Variants in MLLT3 observed in about 807,000 individuals in gnomAD.
MLLT3 encodes the protein protein AF-9.
Under a neutral mutation model 53.2 loss-of-function variants are expected in MLLT3, and 4 were observed. The ratio of observed to expected loss-of-function variants is 0.08; its 90% CI spans 0.04 to 0.17. The LOEUF (loss-of-function observed/expected upper bound fraction) is 0.17. Among genes scored for constraint, MLLT3 ranks in the 10% least tolerant of loss-of-function variants. The pLI is 1.00. For missense variants in MLLT3, 569 were observed against 684.0 expected (o/e 0.83, Z 1.87); for synonymous variants, 283 against 230.6 (o/e 1.23, Z -2.06).
At chr9:20,527,975 T>C (rs1818243502) in intron 2 of MLLT3, among the ~76,000 whole-genome samples, 1 of 152,204 alleles carries the variant, frequency 6.6e-6, no homozygotes, top group South Asian at 2.1e-4. Context: ...GCACAATAAA[T>C]GTTATGAGAG....
chr9:20,508,423 C>T (rs991800345), intron 2 of MLLT3, among the ~76,000 whole-genome samples: 9 of 152,160 alleles, frequency 5.9e-5, no homozygotes, highest in Non-Finnish European at 1.2e-4. Flanking sequence ...GAGGACACTA[C>T]CGCAGTGCCA....
chr9:20,359,337 G>A lies in MLLT3; in HGVS notation c.1431+1405C>T, dbSNP rs1477524151. ...TACTTTCCTCTGAAATGCCTGACTT[G>A]TGGTGGCAGGCATCCACACCAGAGG... On this transcript the variant is annotated intron_variant, in intron 8 of 10. Coordinates refer to ENST00000380338, the MANE Select transcript of MLLT3 (RefSeq NM_004529.4). 2.0e-5 allele frequency among the ~76,000 whole-genome samples: 3 copies of A among 152,084 alleles called. No individual in the cohort carries two copies. In the East Asian group the frequency reaches 5.8e-4, roughly 29 times the overall value.
intron 5 of MLLT3, among the ~76,000 whole-genome samples, chr9:20,382,177 T>C (rs1031606947): frequency 5.3e-5 from 8 of 151,876 alleles, no homozygotes; most frequent in African/African-American, 1.9e-4. Context: ...TCATCTAAAA[T>C]TGTAAGATTT....
At chr9:20,548,799 C>T (rs1296991937) in intron 2 of MLLT3, among the ~76,000 whole-genome samples, 2 of 151,780 alleles carry the variant, frequency 1.3e-5, no homozygotes, top group African/African-American at 2.4e-5. Flanking sequence ...CTCAAACTTA[C>T]CAAAACACAT....
rs913309576 is a variant in MLLT3 at position 20,620,855 on chromosome 9, G to A, written c.13-21C>T. The A allele has an allele frequency of 1.2e-6, 2 of 1,613,702 alleles. No individual in the cohort carries two copies. The highest frequency in any genetic ancestry group is 1.7e-5 in the Admixed American group (1 of 60,026). On this transcript the variant is annotated intron_variant, in intron 1 of 10. Transcript: ENST00000380338. The surrounding 1 kb of genome is among the most constrained non-coding windows in gnomAD (Gnocchi z 6.1). ...GCACACTGCGGGCAGGGGGAGGAGA[G>A]ACAGCCGTGAATAACAGGAAGGCGA...
At chr9:20,382,124 AT>A (rs908370792) in intron 5 of MLLT3, among the ~76,000 whole-genome samples, 1 of 151,658 alleles carries the variant, frequency 6.6e-6, no homozygotes, top group African/African-American at 2.4e-5. Context: ...CTTTTTCTCT[AT>A]TTTTTTCTTA....
intron 2 of MLLT3, among the ~76,000 whole-genome samples, chr9:20,590,097 C>T (rs13289029): frequency 0.44 from 66,507 of 151,984 alleles, 14,802 homozygotes; most frequent in Middle Eastern, 0.49. Flanking sequence ...TCTAGGTCAG[C>T]TGTTAGAAGT....
intron 2 of MLLT3, among the ~76,000 whole-genome samples, chr9:20,536,160 T>C (rs767946303): frequency 2.7e-5 from 4 of 149,086 alleles, no homozygotes; most frequent in Non-Finnish European, 4.4e-5. Flanking sequence ...CTACCATTAC[T>C]ACCAGCATCT....
intron 2 of MLLT3, among the ~76,000 whole-genome samples, chr9:20,593,566 A>C (rs2131188980): frequency 6.6e-6 from 1 of 152,318 alleles, no homozygotes; most frequent in East Asian, 1.9e-4. Flanking sequence ...GGAGAGAGAA[A>C]AATTATGTTT....
chr9:20,459,324 A>C (rs1318463438), intron 2 of MLLT3, among the ~76,000 whole-genome samples: 3 of 152,234 alleles, frequency 2.0e-5, no homozygotes, highest in Non-Finnish European at 4.4e-5. Flanking sequence ...GAAAAGATCC[A>C]GAGTGGCTTC....
In MLLT3 at chr9:20,431,031, G is replaced by C. The variant is rs376078263; in HGVS notation, c.421-16606C>G. On this transcript the variant is annotated intron_variant, in intron 4 of 10. Transcript: ENST00000380338. ...TAAGAGAATAATGATACAACTTTAT[G>C]TGCTTACTAAATGTGCATAGATGAA... is the stretch of plus-strand genomic sequence containing the variant. 3.9e-5 allele frequency among the ~76,000 whole-genome samples: 6 copies of C among 152,038 alleles called. No individual in the cohort carries two copies. In the East Asian group the frequency reaches 7.7e-4, roughly 20 times the overall value.
At chr9:20,360,145 C>G (rs1462514724) in intron 8 of MLLT3, among the ~76,000 whole-genome samples, 5 of 152,110 alleles carry the variant, frequency 3.3e-5, no homozygotes, top group African/African-American at 4.8e-5. Context: ...TCCTTAAAAT[C>G]CCAAGTAATA....
At chr9:20,583,864 A>G (rs968743448) in intron 2 of MLLT3, among the ~76,000 whole-genome samples, 1 of 152,172 alleles carries the variant, frequency 6.6e-6, no homozygotes, top group Admixed American at 6.5e-5. Flanking sequence ...CATGGCCTGA[A>G]GACATTTTCC....
At chr9:20,394,394 T>C (rs1822267011) in intron 5 of MLLT3, among the ~76,000 whole-genome samples, 1 of 152,180 alleles carries the variant, frequency 6.6e-6, no homozygotes. Context: ...TCTTCCTACC[T>C]AGACACTGAG....
intron 4 of MLLT3, among the ~76,000 whole-genome samples, chr9:20,439,153 A>T (rs1823481646): frequency 6.6e-6 from 1 of 152,134 alleles, no homozygotes; most frequent in Non-Finnish European, 1.5e-5. Context: ...CAGGAGTTCA[A>T]GACCAACCTG....
chr9:20,446,370 G>A (rs1007132637), intron 4 of MLLT3, among the ~76,000 whole-genome samples: 2 of 152,170 alleles, frequency 1.3e-5, no homozygotes, highest in South Asian at 4.1e-4. Flanking sequence ...AGGCTGAGTA[G>A]AGCACAAGAT....
chr9:20,596,121 C>T (rs1172757087), intron 2 of MLLT3, among the ~76,000 whole-genome samples: 1 of 152,278 alleles, frequency 6.6e-6, no homozygotes, highest in Non-Finnish European at 1.5e-5. Context: ...ACTTGAAAAA[C>T]TTATAAAACT....
chr9:20,355,110 A>C (rs574437356), intron 8 of MLLT3, among the ~76,000 whole-genome samples: 8 of 151,818 alleles, frequency 5.3e-5, no homozygotes, highest in African/African-American at 1.9e-4. Flanking sequence ...AAAAAAAAAA[A>C]AAAAAAACAA....
rs1321410457 is a variant in MLLT3 at position 20,507,385 on chromosome 9, C to G, written c.194-50599G>C. Among the ~76,000 whole-genome samples the G allele has an allele frequency of 2.6e-5, 4 of 152,236 alleles. No individual in the cohort carries two copies. The East Asian group carries it at 5.8e-4, about 22-fold the overall frequency. On this transcript the variant is annotated intron_variant, in intron 2 of 10. Transcript: ENST00000380338. ...TTTCTGAAGCCTAAAATTGCCTCCC[C>G]CAAGTTGACTGCAGCCTAGGCTCAA...
Sources: allele counts gnomAD v4.1 joint callset (sites outside exome capture counted in the v4.1 genomes callset), GRCh38; gene constraint gnomAD v4.1.1; non-coding constraint Gnocchi (gnomAD v3.1); transcripts MANE v1.5; gene names NCBI Gene and HGNC (gene_info 2026-07-23, HGNC 2026-07-21).